Variants in PAPSS1 observed in about 807,000 individuals in gnomAD.
PAPSS1 encodes the protein bifunctional 3'-phosphoadenosine 5'-phosphosulfate synthase 1.
In PAPSS1, 50 loss-of-function variants were observed where a neutral mutation model predicts 72.0. The ratio of observed to expected loss-of-function variants is 0.69; its 90% CI spans 0.55 to 0.88. The LOEUF (loss-of-function observed/expected upper bound fraction) is 0.88. Ranked by LOEUF, PAPSS1 falls within the 40% of genes least tolerant of loss-of-function variation. PAPSS1 has a pLI of 0.00. For missense variants in PAPSS1, 657 were observed against 782.2 expected (o/e 0.84, Z 1.91); for synonymous variants, 261 against 263.6 (o/e 0.99, Z 0.09).
chr4:107,683,449 C>A (rs1482106463), intron 4 of PAPSS1, among the ~76,000 whole-genome samples: 1 of 152,100 alleles, frequency 6.6e-6, no homozygotes, highest in Non-Finnish European at 1.5e-5. Context: ...CACCAGGTCC[C>A]ACCCCATGAG....
chr4:107,709,367 T>C (rs1231338544), intron 1 of PAPSS1, among the ~76,000 whole-genome samples: 1 of 152,190 alleles, frequency 6.6e-6, no homozygotes, highest in Non-Finnish European at 1.5e-5. Flanking sequence ...ACCTCCAAAC[T>C]GCCCTTAGGT....
At chr4:107,700,793 C>T (rs1223780283) in intron 2 of PAPSS1, among the ~76,000 whole-genome samples, 2 of 152,148 alleles carry the variant, frequency 1.3e-5, no homozygotes, top group African/African-American at 4.8e-5. Context: ...AAATAAATTT[C>T]TATTCATATA....
At chr4:107,669,886 C>A (rs895549137) in intron 5 of PAPSS1, among the ~76,000 whole-genome samples, 3 of 152,160 alleles carry the variant, frequency 2.0e-5, no homozygotes, top group African/African-American at 7.2e-5. Context: ...GTAAGGAGAA[C>A]ACTCCTGAAA....
rs1355649909 is a variant in PAPSS1, at chr4:107,692,924, C to T, written c.411+847G>A. 3.9e-5 allele frequency among the ~76,000 whole-genome samples: 6 copies of T among 152,050 alleles called. No homozygotes were observed. The East Asian group carries it at 1.2e-3, about 29-fold the overall frequency. The stretch of plus-strand genomic sequence containing the variant: ...GAAAATCAAACACTATATGTTCTCA[C>T]TTATAAGTGGGAGCTGAATAATGAG... On this transcript the variant is annotated intron_variant, in intron 3 of 11. Coordinates refer to ENST00000265174, the MANE Select transcript of PAPSS1 (RefSeq NM_005443.5).
chr4:107,677,848 A>G (rs545475728), intron 5 of PAPSS1, among the ~76,000 whole-genome samples: 1 of 152,332 alleles, frequency 6.6e-6, no homozygotes, highest in Non-Finnish European at 1.5e-5. Flanking sequence ...GTGGAATACT[A>G]TGCAGTCATA....
chr4:107,708,374 T>C (rs1472255258), intron 1 of PAPSS1, among the ~76,000 whole-genome samples: 2 of 152,200 alleles, frequency 1.3e-5, no homozygotes, highest in Non-Finnish European at 2.9e-5. Context: ...GGAGCTAAAG[T>C]CTCTGCTAAA....
intron 1 of PAPSS1, among the ~76,000 whole-genome samples, chr4:107,706,386 T>C (rs1386252434): frequency 6.6e-6 from 1 of 152,324 alleles, no homozygotes; most frequent in African/African-American, 2.4e-5. Flanking sequence ...TTATTTTGCT[T>C]GATCAGTGCT....
intron 10 of PAPSS1, among the ~76,000 whole-genome samples, chr4:107,632,728 T>A (rs1405877413): frequency 6.6e-6 from 1 of 152,206 alleles, no homozygotes; most frequent in Non-Finnish European, 1.5e-5. Flanking sequence ...CCCGAAAGGT[T>A]AAATGACTGG....
At chr4:107,638,702 T>C (rs755495072) in intron 10 of PAPSS1, among the ~76,000 whole-genome samples, 1 of 152,128 alleles carries the variant, frequency 6.6e-6, no homozygotes, top group Non-Finnish European at 1.5e-5. Flanking sequence ...ACCATGGTGA[T>C]AAAGCACTGG....
chr4:107,686,336 T>C (rs1722786106), intron 4 of PAPSS1, among the ~76,000 whole-genome samples: 1 of 152,254 alleles, frequency 6.6e-6, no homozygotes, highest in Non-Finnish European at 1.5e-5. Context: ...TTCTTTTATA[T>C]ACTTTAAATC....
At chr4:107,712,049 A>T (rs1723509034) in intron 1 of PAPSS1, among the ~76,000 whole-genome samples, 1 of 152,244 alleles carries the variant, frequency 6.6e-6, no homozygotes, top group African/African-American at 2.4e-5. Context: ...CATCAGTACC[A>T]TCTGTCATGC....
At position 107,654,253 on chromosome 4, in the gene PAPSS1, T is replaced by A. The variant is rs532650580; in HGVS notation, c.1101+442A>T. On this transcript the variant is annotated intron_variant, in intron 8 of 11. Transcript: ENST00000265174. Reference sequence around the variant, plus strand: ...AATTTGACTTCAATAACATTCCACATACAACATATATATATAATAAATGAG... The same window carrying A: ...AATTTGACTTCAATAACATTCCACAAACAACATATATATATAATAAATGAG... 2.8e-4 allele frequency among the ~76,000 whole-genome samples: 42 copies of A among 152,282 alleles called. 2 individuals carry two copies. The South Asian group carries it at 3.1e-3, about 11-fold the overall frequency.
At chr4:107,654,033 C>G (rs959068311) in intron 8 of PAPSS1, among the ~76,000 whole-genome samples, 7 of 152,170 alleles carry the variant, frequency 4.6e-5, no homozygotes, top group Non-Finnish European at 7.3e-5. Context: ...CCAATCTCCA[C>G]ACCACCTCAA....
chr4:107,662,660 C>A (rs1440608696), intron 5 of PAPSS1, among the ~76,000 whole-genome samples: 1 of 151,172 alleles, frequency 6.6e-6, no homozygotes, highest in Admixed American at 6.6e-5. Flanking sequence ...CTTCCAACTC[C>A]AGAATTATTT....
At position 107,680,346 on chromosome 4, in the gene PAPSS1, CAAAGA is replaced by C. The variant is rs539526817; in HGVS notation, c.669+1664_669+1668del. 1.7e-3 allele frequency among the ~76,000 whole-genome samples: 251 copies of C among 150,840 alleles called. 1 individual carries two copies. The highest frequency in any genetic ancestry group is 6.0e-3 in the Admixed American group (91 of 15,142). On this transcript the variant is annotated intron_variant, in intron 5 of 11. Coordinates refer to ENST00000265174, the MANE Select transcript of PAPSS1 (RefSeq NM_005443.5). ...ATGAAAAAAAAATCACATAGAGGAA[CAAAGA>C]AAAGAATTACATTAGACTTCTCATC...
chr4:107,644,773 C>A (rs767272282), intron 10 of PAPSS1, 29 bp downstream of exon 10: 1 of 1,579,872 alleles, frequency 6.3e-7, no homozygotes. Flanking sequence ...TTTAACACTG[C>A]TGCAGTGAAA....
rs377164470 is a variant in PAPSS1, at chr4:107,631,648, G to A, written c.1719C>T (p.Asp573=). ...AAYNKKKKRM[D]YYDSEHHEDF... is the part of the protein sequence containing the mutation. ...AGACTTACTGTTCAGAGTCATAGTA[G>A]TCCATACGCTTCTTTTTCTTGTTGT... is the stretch of plus-strand genomic sequence containing the variant. The change falls in exon 11 of 12, where the codon GAC becomes GAT. Residue 573 remains aspartate, a synonymous_variant. Coordinates refer to ENST00000265174, the MANE Select transcript of PAPSS1 (RefSeq NM_005443.5). 4 of 1,611,200 alleles carry A rather than the reference G, an allele frequency of 2.5e-6. No individual in the cohort carries two copies. In the African/African-American group the frequency reaches 5.3e-5, roughly 22 times the overall value.
intron 1 of PAPSS1, among the ~76,000 whole-genome samples, chr4:107,708,653 G>T (rs948926147): frequency 1.3e-5 from 2 of 152,172 alleles, no homozygotes; most frequent in Non-Finnish European, 2.9e-5. Flanking sequence ...GGTAAGTAGA[G>T]ACCGTCTGTT....
At chr4:107,619,367 A>G (rs1437339889) in intron 11 of PAPSS1, among the ~76,000 whole-genome samples, 1 of 152,168 alleles carries the variant, frequency 6.6e-6, no homozygotes, top group African/African-American at 2.4e-5. Context: ...TTCCACTTCC[A>G]CATAGTGGTG....
Sources: gnomAD v4.1 joint callset for allele counts (sites outside exome capture counted in the v4.1 genomes callset) on GRCh38, gnomAD v4.1.1 for gene constraint, MANE v1.5 for transcripts, NCBI Gene and HGNC (gene_info 2026-07-23, HGNC 2026-07-21) for gene names.